The following C2CD3 variants were observed in gnomAD, a reference collection of about 807,000 sequenced individuals.
The protein encoded by C2CD3 is C2 domain-containing protein 3.
C2CD3 carries 148 observed loss-of-function variants against 234.0 expected under a neutral mutation model. The ratio of observed to expected loss-of-function variants is 0.63; its 90% CI spans 0.55 to 0.72. The LOEUF (loss-of-function observed/expected upper bound fraction) is 0.72, where lower values mean the gene tolerates loss of function less well. C2CD3 is among the 30% of genes least tolerant of loss of function. The probability of loss-of-function intolerance (pLI) is 0.00; values close to 1 mark genes in which losing one functional copy is unlikely to be tolerated. For synonymous variants in C2CD3, 1,000 were observed against 1,035.4 expected (o/e 0.97, Z 0.66); for missense variants, 2,577 against 2,811.5 (o/e 0.92, Z 1.89).
intron 29 of C2CD3, among the ~76,000 whole-genome samples, chr11:74,039,570 A>G (rs1952918304): frequency 6.6e-6 from 1 of 152,118 alleles, no homozygotes; most frequent in African/African-American, 2.4e-5. Context: ...TAAGCCCTTC[A>G]TGGGATTCTG....
Position 74,019,697 on chromosome 11 carries a change from G to C in C2CD3, c.6922-6172C>G, listed in dbSNP as rs946100709. ...CCAAAGGATAGATTTTTTTTTTTCAGACACAGTTTCACTCTGTCGCCCAGG... is the reference window on the plus strand; with the variant it reads ...CCAAAGGATAGATTTTTTTTTTTCACACACAGTTTCACTCTGTCGCCCAGG... On this transcript the variant is annotated intron_variant, in intron 32 of 32. Transcript: ENST00000334126. 1.0e-4 allele frequency among the ~76,000 whole-genome samples: 14 copies of C among 137,096 alleles called. 1 individual carries two copies. In the East Asian group the frequency reaches 2.7e-3, roughly 27 times the overall value. 89.9% of individuals were successfully genotyped at this position (137,096 alleles called of 152,430 possible). A position where few individuals can be genotyped will look rare whatever the true frequency, so the allele number is the denominator to read the frequency against.
In C2CD3 at chr11:74,064,186, T is replaced by C. The variant is rs994571377; in HGVS notation, c.4952-6642A>G. Among the ~76,000 whole-genome samples the C allele has an allele frequency of 2.6e-5, 4 of 152,326 alleles. No individual in the cohort carries two copies. The East Asian group carries it at 7.7e-4, about 29-fold the overall frequency. ...CCTTGCGATAGTTTGCTGAGAATGA[T>C]GGTTTCCAGTTTCATCCATGTCCCT... On this transcript the variant is annotated intron_variant, in intron 24 of 32. Coordinates refer to ENST00000334126, the MANE Select transcript of C2CD3 (RefSeq NM_001286577.2).
chr11:74,053,110 C>T (rs1953771655), intron 26 of C2CD3, among the ~76,000 whole-genome samples: 1 of 152,162 alleles, frequency 6.6e-6, no homozygotes, highest in African/African-American at 2.4e-5. Context: ...GGCTGTACAG[C>T]CAGTAAGAAC....
intron 22 of C2CD3, among the ~76,000 whole-genome samples, chr11:74,083,301 T>C (rs984865241): frequency 1.3e-5 from 2 of 152,160 alleles, no homozygotes; most frequent in Non-Finnish European, 2.9e-5. Context: ...TCAAGATGGA[T>C]TAAAGATTTA....
chr11:74,094,923 G>C (rs908869874), intron 17 of C2CD3, among the ~76,000 whole-genome samples: 2 of 152,144 alleles, frequency 1.3e-5, no homozygotes, highest in Admixed American at 1.3e-4. Context: ...TATGTGTATA[G>C]ATAAGAGTGG....
At chr11:74,133,171 G>T (rs542620770) in intron 6 of C2CD3, among the ~76,000 whole-genome samples, 199 bp from the exon 7 acceptor site, 39 of 152,148 alleles carry the variant, frequency 2.6e-4, no homozygotes, top group Non-Finnish European at 5.1e-4. Flanking sequence ...GGTAGGGAGA[G>T]AATATCCCCA....
chr11:74,113,806 A>G lies in C2CD3; in HGVS notation c.1817T>C (p.Leu606Pro), dbSNP rs763751260. 1 of 1,611,644 alleles carries G rather than the reference A, an allele frequency of 6.2e-7. No homozygotes were observed. The highest frequency in any genetic ancestry group is 1.7e-5 in the Admixed American group (1 of 60,010). Residue 606 changes from leucine (L) to proline (P), a missense_variant, in exon 11 of 33, where the codon CTC becomes CCC. Leu to Pro is a moderately conservative substitution (Grantham distance 98, BLOSUM62 -3). Transcript: ENST00000334126. The stretch of plus-strand genomic sequence containing the variant: ...TCCATCTGTAATTTTACTGGAGGCG[A>G]GTCGAACAACCTCAGTGATCAAAGC... ...KTALITEVVR[L>P]ASSKITDGKV...
At chr11:74,037,849 C>T in intron 29 of C2CD3, 151 bp from the exon 30 acceptor site, 1 of 649,544 alleles carries the variant, frequency 1.5e-6, no homozygotes, top group Non-Finnish European at 2.7e-6. Context: ...CTCCAATCCA[C>T]CAACTCATCC....
intron 24 of C2CD3, among the ~76,000 whole-genome samples, chr11:74,063,036 T>C (rs1954322510): frequency 6.6e-6 from 1 of 152,088 alleles, no homozygotes; most frequent in Admixed American, 6.6e-5. Flanking sequence ...CTAGAAGAAA[T>C]GGATAAATTC....
intron 8 of C2CD3, among the ~76,000 whole-genome samples, chr11:74,119,286 T>C (rs1288560112): frequency 2.6e-5 from 4 of 152,208 alleles, no homozygotes; most frequent in Non-Finnish European, 5.9e-5. Context: ...AACTGTTTAC[T>C]ATAGTCACAA....
chr11:74,114,188 T>C (rs1367580479), intron 10 of C2CD3, among the ~76,000 whole-genome samples, 196 bp downstream of exon 10: 1 of 152,180 alleles, frequency 6.6e-6, no homozygotes, highest in East Asian at 1.9e-4. Flanking sequence ...GAACAGAGTC[T>C]GTATCTTAAT....
intron 32 of C2CD3, among the ~76,000 whole-genome samples, chr11:74,021,536 G>A (rs1952083225): frequency 6.6e-6 from 1 of 152,190 alleles, no homozygotes; most frequent in Non-Finnish European, 1.5e-5. Context: ...CAGCAAACAA[G>A]GCAGAGCGGG....
At chr11:74,092,652 CAG>C in intron 18 of C2CD3, 64 bp from the exon 19 acceptor site, 1 of 1,381,558 alleles carries the variant, frequency 7.2e-7, no homozygotes, top group Non-Finnish European at 1.0e-6. Context: ...GTCTGCCCCA[CAG>C]ATCAGCCTTC....
chr11:74,038,312 A>C (rs1461786410), intron 29 of C2CD3, among the ~76,000 whole-genome samples: 1 of 152,236 alleles, frequency 6.6e-6, no homozygotes, highest in Non-Finnish European at 1.5e-5. Flanking sequence ...AAGTGATTTT[A>C]AAAATCTGTT....
At chr11:74,125,741 C>T (rs945304581) in intron 7 of C2CD3, among the ~76,000 whole-genome samples, 8 of 152,038 alleles carry the variant, frequency 5.3e-5, no homozygotes, top group African/African-American at 1.9e-4. Context: ...AATTAACTGC[C>T]TTTTCATTTG....
chr11:74,069,557 G>A (rs1031564572), intron 24 of C2CD3, among the ~76,000 whole-genome samples: 5 of 152,190 alleles, frequency 3.3e-5, no homozygotes, highest in African/African-American at 9.7e-5. Context: ...TGCTGATAAC[G>A]TCTCTGAAAA....
chr11:74,079,012 T>C (rs149959921), intron 22 of C2CD3, among the ~76,000 whole-genome samples: 7 of 152,322 alleles, frequency 4.6e-5, no homozygotes, highest in African/African-American at 1.2e-4. Context: ...ACCTCACAAA[T>C]GGGAAAACTG....
chr11:74,072,199 T>C (rs1456464404), intron 24 of C2CD3, among the ~76,000 whole-genome samples: 1 of 152,182 alleles, frequency 6.6e-6, no homozygotes, highest in Non-Finnish European at 1.5e-5. Flanking sequence ...CACACTGCAC[T>C]TGAAGAAGAC....
chr11:74,014,517 G>A (rs1178322049), intron 32 of C2CD3, among the ~76,000 whole-genome samples: 1 of 152,136 alleles, frequency 6.6e-6, no homozygotes, highest in Non-Finnish European at 1.5e-5. Context: ...ATGAGAAACT[G>A]AGGCCCAGCG....
Sources: gnomAD v4.1 joint callset for allele counts (sites outside exome capture counted in the v4.1 genomes callset) on GRCh38, gnomAD v4.1.1 for gene constraint, MANE v1.5 for transcripts, NCBI Gene and HGNC (gene_info 2026-07-23, HGNC 2026-07-21) for gene names.